GRHL2: variants seen among roughly 807,000 people sequenced by gnomAD.
The protein encoded by GRHL2 is grainyhead like transcription factor 2.
Under a neutral mutation model 83.8 loss-of-function variants are expected in GRHL2, and 21 were observed. The observed-to-expected ratio is 0.25, with a 90% CI of 0.18 to 0.36. GRHL2 has a LOEUF of 0.36. GRHL2 is among the 10% of genes least tolerant of loss of function. The pLI is 1.00. For synonymous variants in GRHL2, 280 were observed against 278.9 expected, an observed-to-expected ratio of 1.00 and a Z score of -0.04; for missense variants, 623 against 781.8, an observed-to-expected ratio of 0.80 and a Z score of 2.42.
intron 1 of GRHL2, among the ~76,000 whole-genome samples, chr8:101,510,298 T>C (rs898777474): frequency 6.6e-6 from 1 of 152,172 alleles, no homozygotes; most frequent in African/African-American, 2.4e-5. Flanking sequence ...CAACTAGCCA[T>C]ATTTTTAATT....
At chr8:101,548,279 AC>A (rs1212057385) in intron 2 of GRHL2, among the ~76,000 whole-genome samples, 2 of 152,244 alleles carry the variant, frequency 1.3e-5, no homozygotes, top group African/African-American at 2.4e-5. Flanking sequence ...TCGGTTGACC[AC>A]CTCAGAGAGA....
At chr8:101,535,455 C>A (rs555510927) in intron 1 of GRHL2, among the ~76,000 whole-genome samples, 2 of 152,128 alleles carry the variant, frequency 1.3e-5, no homozygotes, top group Non-Finnish European at 2.9e-5. Flanking sequence ...TGGGAGCTGC[C>A]GGGCTTTTTA....
chr8:101,494,531 C>A (rs933725236), intron 1 of GRHL2, among the ~76,000 whole-genome samples: 3 of 152,132 alleles, frequency 2.0e-5, no homozygotes, highest in Non-Finnish European at 4.4e-5. Context: ...TTCAAGGAAA[C>A]ACGACTCGAG....
At chr8:101,522,015 G>A (rs1810695617) in intron 1 of GRHL2, among the ~76,000 whole-genome samples, 1 of 152,168 alleles carries the variant, frequency 6.6e-6, no homozygotes, top group African/African-American at 2.4e-5. Context: ...AATGGAGGAA[G>A]AAAACTTTGG....
chr8:101,592,644 A>G (rs1249295850), intron 7 of GRHL2, among the ~76,000 whole-genome samples: 1 of 152,186 alleles, frequency 6.6e-6, no homozygotes, highest in Non-Finnish European at 1.5e-5. Flanking sequence ...GCATTTTACC[A>G]AAGCCCTCCA....
chr8:101,500,851 TAAAAA>T (rs33923524), intron 1 of GRHL2, among the ~76,000 whole-genome samples: 33 of 151,356 alleles, frequency 2.2e-4, no homozygotes, highest in African/African-American at 6.1e-4. Flanking sequence ...CTGGAAATGG[TAAAAA>T]AAAAAAAAAG....
At chr8:101,559,540 C>T (rs1051453975) in intron 4 of GRHL2, among the ~76,000 whole-genome samples, 2 of 151,730 alleles carry the variant, frequency 1.3e-5, no homozygotes, top group African/African-American at 4.8e-5. Flanking sequence ...CAAAACAAAG[C>T]AAAACAAACC....
In GRHL2 at chr8:101,512,667, G is replaced by T. The variant is rs1810489439; in HGVS notation, c.20+19878G>T. Among the ~76,000 whole-genome samples the T allele has an allele frequency of 2.6e-5, 4 of 152,214 alleles. No homozygotes were observed. In the South Asian group the frequency reaches 8.3e-4, roughly 32 times the overall value. On this transcript the variant is annotated intron_variant, in intron 1 of 15. Coordinates refer to ENST00000646743, the MANE Select transcript of GRHL2 (RefSeq NM_024915.4). ...TTTTTGTATTTTTAGTAGAGACGGGGTTTCACCATGTTGGCCAGGCTGTGT... is the reference window on the plus strand; with the variant it reads ...TTTTTGTATTTTTAGTAGAGACGGGTTTTCACCATGTTGGCCAGGCTGTGT...
At chr8:101,678,142 G>A in the GRHL2 span, among the ~76,000 whole-genome samples, 2 of 152,142 alleles carry the variant, frequency 1.3e-5, no homozygotes, top group African/African-American at 2.4e-5. Context: ...CGCAGAAGAC[G>A]GGTGATTTCT....
chr8:101,677,107 A>G, the GRHL2 span, among the ~76,000 whole-genome samples: 4 of 152,000 alleles, frequency 2.6e-5, no homozygotes, highest in Non-Finnish European at 5.9e-5. Context: ...AATATACCTA[A>G]TGCTAAATGA....
At chr8:101,577,749 A>G (rs1811962607) in intron 7 of GRHL2, among the ~76,000 whole-genome samples, 1 of 152,208 alleles carries the variant, frequency 6.6e-6, no homozygotes, top group Admixed American at 6.5e-5. Flanking sequence ...GTCTCATAAA[A>G]TCATAGTCAT....
intron 2 of GRHL2, among the ~76,000 whole-genome samples, chr8:101,550,117 TA>T (rs1390413596): frequency 6.6e-6 from 1 of 151,548 alleles, no homozygotes; most frequent in Non-Finnish European, 1.5e-5. Context: ...TTCCCTCTTT[TA>T]TTATTTATTT....
At chr8:101,597,122 G>A (rs1812407250) in intron 7 of GRHL2, among the ~76,000 whole-genome samples, 1 of 152,162 alleles carries the variant, frequency 6.6e-6, no homozygotes, top group Non-Finnish European at 1.5e-5. Context: ...CTGGTGGGAG[G>A]CTGCACTGGC....
At chr8:101,555,137 G>T (rs1811464142) in intron 3 of GRHL2, among the ~76,000 whole-genome samples, 1 of 152,184 alleles carries the variant, frequency 6.6e-6, no homozygotes, top group South Asian at 2.1e-4. Flanking sequence ...GCCCCAAATG[G>T]ACTCTAACTA....
intron 2 of GRHL2, among the ~76,000 whole-genome samples, chr8:101,548,401 C>T (rs1366179296): frequency 6.6e-6 from 1 of 152,194 alleles, no homozygotes; most frequent in African/African-American, 2.4e-5. Context: ...GGTTGACTGA[C>T]AACCTCCCAG....
At chr8:101,617,103 T>C (rs1158741055) in intron 8 of GRHL2, among the ~76,000 whole-genome samples, 1 of 152,200 alleles carries the variant, frequency 6.6e-6, no homozygotes, top group Non-Finnish European at 1.5e-5. Flanking sequence ...CAGTACCTTT[T>C]TTTTCTTTTT....
At chr8:101,585,062 G>C (rs1378091594) in intron 7 of GRHL2, among the ~76,000 whole-genome samples, 2 of 152,170 alleles carry the variant, frequency 1.3e-5, no homozygotes, top group African/African-American at 2.4e-5. Flanking sequence ...CAGGCAGCCA[G>C]GTGGTCAGGT....
chr8:101,596,393 A>T (rs764755621), intron 7 of GRHL2, among the ~76,000 whole-genome samples: 6 of 152,156 alleles, frequency 3.9e-5, no homozygotes, highest in South Asian at 4.1e-4. Flanking sequence ...AGCCTTAAAA[A>T]TTTTTTTTCC....
At chr8:101,612,113 C>T (rs1390587341) in intron 8 of GRHL2, among the ~76,000 whole-genome samples, 2 of 150,966 alleles carry the variant, frequency 1.3e-5, no homozygotes, top group Non-Finnish European at 2.9e-5. Flanking sequence ...CCTCAGCCTC[C>T]CCAGTAGCTG....
Sources: gnomAD v4.1 joint callset for allele counts (sites outside exome capture counted in the v4.1 genomes callset) on GRCh38, gnomAD v4.1.1 for gene constraint, MANE v1.5 for transcripts, NCBI Gene and HGNC (gene_info 2026-07-23, HGNC 2026-07-21) for gene names.